The following DCC variants were observed in gnomAD, a reference collection of about 807,000 sequenced individuals.
DCC encodes the protein netrin receptor DCC.
Under a neutral mutation model 172.5 loss-of-function variants are expected in DCC, and 58 were observed. The ratio of observed to expected loss-of-function variants is 0.34; its 90% CI spans 0.27 to 0.42. DCC has a LOEUF of 0.42. Among genes scored for constraint, DCC ranks in the 10% least tolerant of loss-of-function variants. The pLI is 1.00. For synonymous variants in DCC, 709 were observed against 644.5 expected, an observed-to-expected ratio of 1.10 and a Z score of -1.52; for missense variants, 1,740 against 1,791.0, an observed-to-expected ratio of 0.97 and a Z score of 0.51.
At chr18:53,173,448 G>T (rs1434795400) in intron 8 of DCC, among the ~76,000 whole-genome samples, 1 of 152,038 alleles carries the variant, frequency 6.6e-6, no homozygotes, top group Non-Finnish European at 1.5e-5. Flanking sequence ...CATGTACCTT[G>T]TTGTGCTACC....
At chr18:53,095,792 CTTTTTTTT>C (rs71175552) in intron 7 of DCC, among the ~76,000 whole-genome samples, 1 of 126,252 alleles carries the variant, frequency 7.9e-6, no homozygotes, top group Non-Finnish European at 1.6e-5. Context: ...ATATGGATAT[CTTTTTTTT>C]TTTTTTTTTG....
chr18:52,875,436 G>T (rs1339180829), intron 2 of DCC, among the ~76,000 whole-genome samples: 1 of 152,144 alleles, frequency 6.6e-6, no homozygotes, highest in Non-Finnish European at 1.5e-5. Flanking sequence ...GAGAGATAGA[G>T]ATGTGAAATG....
chr18:53,036,664 G>A (rs1464477757), intron 5 of DCC, among the ~76,000 whole-genome samples: 1 of 151,998 alleles, frequency 6.6e-6, no homozygotes, highest in Non-Finnish European at 1.5e-5. Flanking sequence ...TAACAGCTTA[G>A]ATAGGTAGCA....
At chr18:52,548,413 C>T (rs771987136) in intron 1 of DCC, among the ~76,000 whole-genome samples, 2 of 152,060 alleles carry the variant, frequency 1.3e-5, no homozygotes, top group African/African-American at 4.8e-5. Context: ...AGAAGACTTT[C>T]AAGGCTAAAA....
intron 5 of DCC, among the ~76,000 whole-genome samples, chr18:52,960,252 T>C (rs962988684): frequency 6.6e-6 from 1 of 152,138 alleles, no homozygotes; most frequent in Non-Finnish European, 1.5e-5. Context: ...GGGAAAACTT[T>C]TATCAAGTAA....
intron 5 of DCC, among the ~76,000 whole-genome samples, chr18:53,043,585 C>A (rs961477807): frequency 3.9e-5 from 6 of 151,974 alleles, no homozygotes; most frequent in African/African-American, 1.4e-4. Context: ...AATTAAATTG[C>A]CCTTTTAAAC....
intron 7 of DCC, among the ~76,000 whole-genome samples, chr18:53,096,337 T>C (rs1485924278): frequency 6.6e-6 from 1 of 151,714 alleles, no homozygotes; most frequent in Non-Finnish European, 1.5e-5. Flanking sequence ...GCCTTGTAGC[T>C]AAAAAAGAAT....
chr18:53,069,657 T>C (rs1020002642), intron 7 of DCC, among the ~76,000 whole-genome samples: 1 of 150,182 alleles, frequency 6.7e-6, no homozygotes, highest in African/African-American at 2.4e-5. Flanking sequence ...AAACCTTCCA[T>C]GAGTGTGGAC....
chr18:53,318,468 G>T (rs2057369015), intron 13 of DCC, among the ~76,000 whole-genome samples: 2 of 152,104 alleles, frequency 1.3e-5, no homozygotes, highest in African/African-American at 4.8e-5. Flanking sequence ...GTTGATTTGG[G>T]GTGGAGAGTT....
intron 7 of DCC, among the ~76,000 whole-genome samples, chr18:53,068,001 A>C (rs1568282694): frequency 1.3e-5 from 2 of 152,202 alleles, no homozygotes; most frequent in Non-Finnish European, 2.9e-5. Flanking sequence ...AATAAAAATA[A>C]AATAACTATA....
intron 1 of DCC, among the ~76,000 whole-genome samples, chr18:52,607,041 G>A (rs935016937): frequency 2.1e-4 from 32 of 151,980 alleles, no homozygotes; most frequent in Non-Finnish European, 3.8e-4. Flanking sequence ...TGCTATATTT[G>A]TCAGGATGGC....
intron 1 of DCC, among the ~76,000 whole-genome samples, chr18:52,491,323 T>C (rs1004501623): frequency 2.6e-5 from 4 of 152,034 alleles, no homozygotes; most frequent in African/African-American, 9.7e-5. Context: ...GAATCAAACA[T>C]GCAAACAAAC....
At chr18:53,190,906 A>G (rs1158946408) in intron 9 of DCC, among the ~76,000 whole-genome samples, 1 of 152,210 alleles carries the variant, frequency 6.6e-6, no homozygotes, top group African/African-American at 2.4e-5. Context: ...AGATCGCGTC[A>G]CTGCACTCTT....
chr18:53,332,142 C>G (rs528538230), intron 14 of DCC, among the ~76,000 whole-genome samples: 3 of 152,258 alleles, frequency 2.0e-5, no homozygotes, highest in Admixed American at 2.0e-4. Flanking sequence ...CACATATTTT[C>G]AGAATTACAA....
intron 1 of DCC, among the ~76,000 whole-genome samples, chr18:52,716,083 A>T (rs1331195089): frequency 6.6e-6 from 1 of 152,146 alleles, no homozygotes; most frequent in East Asian, 1.9e-4. Context: ...GAGCCACTGC[A>T]GTGTTCAGCT....
chr18:53,415,066 T>C (rs1014535090), intron 20 of DCC, among the ~76,000 whole-genome samples: 6 of 152,200 alleles, frequency 3.9e-5, no homozygotes, highest in Non-Finnish European at 8.8e-5. Flanking sequence ...ATTTCAGTTC[T>C]AAACATTCTT....
intron 3 of DCC, among the ~76,000 whole-genome samples, chr18:52,916,312 A>G (rs369616117): frequency 6.6e-6 from 1 of 152,236 alleles, no homozygotes; most frequent in South Asian, 2.1e-4. Context: ...TTTCTCAAAA[A>G]TGAACAAAGT....
chr18:52,866,768 TAAG>T (rs1338048284), intron 2 of DCC, among the ~76,000 whole-genome samples: 2 of 152,228 alleles, frequency 1.3e-5, no homozygotes, highest in Non-Finnish European at 2.9e-5. Context: ...CTTATCAGCT[TAAG>T]GAGATTTTGG....
intron 12 of DCC, among the ~76,000 whole-genome samples, chr18:53,232,634 A>G (rs1598930194): frequency 6.6e-6 from 1 of 152,158 alleles, no homozygotes; most frequent in Non-Finnish European, 1.5e-5. Flanking sequence ...ATTCAACATC[A>G]ATAAATGAAG....
Sources: gnomAD v4.1 joint callset for allele counts (sites outside exome capture counted in the v4.1 genomes callset) on GRCh38, gnomAD v4.1.1 for gene constraint, MANE v1.5 for transcripts, NCBI Gene and HGNC (gene_info 2026-07-23, HGNC 2026-07-21) for gene names.